PIP4K2A: variants seen among roughly 807,000 people sequenced by gnomAD.
The protein encoded by PIP4K2A is phosphatidylinositol 5-phosphate 4-kinase type-2 alpha.
A neutral mutation model predicts 42.9 loss-of-function variants in PIP4K2A; 14 were observed. That is an observed-to-expected ratio of 0.33 (90% CI 0.22 to 0.51). PIP4K2A has a LOEUF of 0.51. Ranked by LOEUF, PIP4K2A falls within the 20% of genes least tolerant of loss-of-function variation. The probability of loss-of-function intolerance (pLI) is 0.97; values close to 1 mark genes in which losing one functional copy is unlikely to be tolerated. For missense variants in PIP4K2A, 434 were observed against 519.8 expected (o/e 0.83, Z 1.61); for synonymous variants, 192 against 192.2 (o/e 1.00, Z 0.01).
intron 1 of PIP4K2A, among the ~76,000 whole-genome samples, chr10:22,705,069 G>A (rs1833792481): frequency 6.6e-6 from 1 of 151,956 alleles, no homozygotes; most frequent in South Asian, 2.1e-4. Context: ...CTTTCTAAAT[G>A]AGGTTATATG....
At chr10:22,621,049 T>C (rs1030720446) in intron 1 of PIP4K2A, among the ~76,000 whole-genome samples, 1 of 152,196 alleles carries the variant, frequency 6.6e-6, no homozygotes, top group Non-Finnish European at 1.5e-5. Flanking sequence ...ATGAAGCTAA[T>C]ATGCCTGCAG....
intron 1 of PIP4K2A, among the ~76,000 whole-genome samples, chr10:22,682,434 T>G (rs576118045): frequency 2.2e-4 from 34 of 152,324 alleles, no homozygotes; most frequent in Middle Eastern, 3.4e-3. Context: ...GAAACCACCC[T>G]GTTCTGATCA....
intron 1 of PIP4K2A, among the ~76,000 whole-genome samples, chr10:22,682,354 T>C (rs146340095): frequency 2.3e-4 from 35 of 152,336 alleles, no homozygotes; most frequent in African/African-American, 7.7e-4. Flanking sequence ...GAGGCAATGG[T>C]AGCCCTCAAA....
At chr10:22,587,697 C>T (rs556193606) in intron 4 of PIP4K2A, among the ~76,000 whole-genome samples, 2 of 152,258 alleles carry the variant, frequency 1.3e-5, no homozygotes, top group Non-Finnish European at 2.9e-5. Flanking sequence ...ATCAAAATCT[C>T]GTCTGGAAGT....
chr10:22,627,591 T>TAATAAAAAAAAAAA (rs1838469588), intron 1 of PIP4K2A, among the ~76,000 whole-genome samples: 1 of 56,994 alleles, frequency 1.8e-5, no homozygotes, highest in Non-Finnish European at 3.1e-5. Context: ...TAATATGTAA[T>TAATAAAAAAAAAAA]AAAAAAAAAA....
At chr10:22,709,557 T>G (rs1833880100) in intron 1 of PIP4K2A, among the ~76,000 whole-genome samples, 1 of 152,228 alleles carries the variant, frequency 6.6e-6, no homozygotes, top group African/African-American at 2.4e-5. Flanking sequence ...GGTGGTTTAT[T>G]ATAATTCTTG....
chr10:22,595,372 T>TA (rs1401778094), intron 3 of PIP4K2A, among the ~76,000 whole-genome samples: 3 of 152,228 alleles, frequency 2.0e-5, no homozygotes, highest in African/African-American at 7.2e-5. Context: ...ATCATAATCA[T>TA]AGACTTTTTG....
chr10:22,641,196 A>G (rs755069745), intron 1 of PIP4K2A, among the ~76,000 whole-genome samples: 8 of 152,134 alleles, frequency 5.3e-5, no homozygotes, highest in Non-Finnish European at 1.2e-4. Flanking sequence ...TAACCCCCTC[A>G]TTTTATAAAT....
intron 1 of PIP4K2A, among the ~76,000 whole-genome samples, chr10:22,696,113 CCACT>C (rs780406737): frequency 2.0e-5 from 3 of 152,188 alleles, no homozygotes; most frequent in Non-Finnish European, 2.9e-5. Context: ...GGCTATGTTC[CCACT>C]CAAAGTATCA....
rs1836886824 is a variant in PIP4K2A at position 22,567,880 on chromosome 10, C to G, written c.649G>C (p.Val217Leu). The G allele has an allele frequency of 1.2e-6, 2 of 1,613,750 alleles. No individual in the cohort carries two copies. Among genetic ancestry groups the G allele is most frequent in the Non-Finnish European group, 1.7e-6 (2 of 1,179,720 alleles). Residue 217 changes from valine (V) to leucine (L), a missense_variant, in exon 6 of 10, where the codon GTG becomes CTG. Val to Leu is a conservative substitution (Grantham distance 32, BLOSUM62 1). Around this residue, in one of 2 missense-constraint regions of PIP4K2A, gnomAD observed 395 missense variants for 444.5 expected, o/e 0.89. Transcript: ENST00000376573. ...YRKYDLKGST[V>L]AREASDKEKA... Reference sequence around the variant, plus strand: ...TCTTTGTCACTAGCTTCTCTAGCCACTGTAGAGCCCTGAAACACAAGGCAA... The same window carrying G: ...TCTTTGTCACTAGCTTCTCTAGCCAGTGTAGAGCCCTGAAACACAAGGCAA...
At chr10:22,548,019 A>T (rs937281292) in intron 7 of PIP4K2A, among the ~76,000 whole-genome samples, 1 of 152,234 alleles carries the variant, frequency 6.6e-6, no homozygotes, top group South Asian at 2.1e-4. Flanking sequence ...AACAGCAACA[A>T]CAACAAAAAA....
intron 6 of PIP4K2A, among the ~76,000 whole-genome samples, chr10:22,555,759 TAA>T (rs542246485): frequency 7.0e-6 from 1 of 143,420 alleles, no homozygotes; most frequent in African/African-American, 2.5e-5. Flanking sequence ...CCTGGATAAT[TAA>T]AAAAAAAAAA....
chr10:22,682,202 C>T (rs563846984), intron 1 of PIP4K2A, among the ~76,000 whole-genome samples: 1 of 152,312 alleles, frequency 6.6e-6, no homozygotes, highest in East Asian at 1.9e-4. Flanking sequence ...GAGCACACAA[C>T]CCTTAGCTAC....
chr10:22,569,339 C>G (rs530096549), intron 5 of PIP4K2A, among the ~76,000 whole-genome samples: 1 of 152,278 alleles, frequency 6.6e-6, no homozygotes, highest in African/African-American at 2.4e-5. Flanking sequence ...CAAAGCTGAC[C>G]CATCAGATGG....
chr10:22,597,814 C>A (rs1205935806), intron 3 of PIP4K2A, among the ~76,000 whole-genome samples: 1 of 152,030 alleles, frequency 6.6e-6, no homozygotes, highest in East Asian at 1.9e-4. Flanking sequence ...TGAAGCTGAT[C>A]CTACCTAAGG....
chr10:22,713,228 G>A (rs992934367), intron 1 of PIP4K2A, among the ~76,000 whole-genome samples: 4 of 152,176 alleles, frequency 2.6e-5, no homozygotes, highest in South Asian at 2.1e-4. Flanking sequence ...TCAGACCCTC[G>A]AACCGCAGTC....
intron 1 of PIP4K2A, among the ~76,000 whole-genome samples, chr10:22,671,598 A>C (rs1168005718): frequency 6.6e-6 from 1 of 152,150 alleles, no homozygotes; most frequent in African/African-American, 2.4e-5. Context: ...TTGTAAGAGA[A>C]CACAGGATGC....
intron 1 of PIP4K2A, among the ~76,000 whole-genome samples, chr10:22,664,022 C>CATATATATACATATAT (rs1839259005): frequency 6.3e-5 from 7 of 110,938 alleles, no homozygotes; most frequent in African/African-American, 1.3e-4. Context: ...TCTCTCTCTC[C>CATATATATACATATAT]ATATATATAC....
rs139356920 is a variant in PIP4K2A, at chr10:22,584,961, G to A, written c.492+6668C>T. 3.1e-3 allele frequency among the ~76,000 whole-genome samples: 473 copies of A among 152,212 alleles called. 1 individual carries two copies. Among genetic ancestry groups the A allele is most frequent in the Middle Eastern group, 0.02 (6 of 294 alleles). Reference sequence around the variant, plus strand: ...CACAGGAGCTGCCCTGTCACTCACCGGGGGCACATGAGCATCACCTGGGGG... The same window carrying A: ...CACAGGAGCTGCCCTGTCACTCACCAGGGGCACATGAGCATCACCTGGGGG... On this transcript the variant is annotated intron_variant, in intron 4 of 9. Transcript: ENST00000376573.
Sources: gnomAD v4.1 joint callset for allele counts (sites outside exome capture counted in the v4.1 genomes callset) on GRCh38, gnomAD v4.1.1 for gene constraint, gnomAD v4.1.1 regional missense constraint, MANE v1.5 for transcripts, NCBI Gene and HGNC (gene_info 2026-07-23, HGNC 2026-07-21) for gene names.